Variants in FRMD3 observed in about 807,000 individuals in gnomAD.
The protein encoded by FRMD3 is FERM domain containing 3.
Under a neutral mutation model 70.2 loss-of-function variants are expected in FRMD3, and 33 were observed. The observed-to-expected ratio is 0.47, with a 90% CI of 0.36 to 0.63. The LOEUF (loss-of-function observed/expected upper bound fraction) is 0.63. FRMD3 is among the 20% of genes least tolerant of loss of function. FRMD3 has a pLI of 0.00. For synonymous variants in FRMD3, 279 were observed against 255.9 expected (o/e 1.09, Z -0.86); for missense variants, 632 against 711.4 (o/e 0.89, Z 1.27).
At chr9:83,562,694 G>A in the FRMD3 span, among the ~76,000 whole-genome samples, 5 of 152,170 alleles carry the variant, frequency 3.3e-5, no homozygotes, top group Admixed American at 2.6e-4. Context: ...TGCTGTCACC[G>A]AGCCACAGGC....
At chr9:83,520,017 T>G (rs1348456583) in intron 1 of FRMD3, among the ~76,000 whole-genome samples, 3 of 152,058 alleles carry the variant, frequency 2.0e-5, no homozygotes, top group Non-Finnish European at 4.4e-5. Context: ...AGGGGAAGGA[T>G]AGCATTAGGA....
intron 1 of FRMD3, among the ~76,000 whole-genome samples, chr9:83,522,461 T>C (rs1398507802): frequency 1.3e-5 from 2 of 152,092 alleles, no homozygotes; most frequent in Non-Finnish European, 2.9e-5. Flanking sequence ...GAAAAAGATT[T>C]TTTTTAATGG....
intron 1 of FRMD3, among the ~76,000 whole-genome samples, chr9:83,497,075 T>A (rs140945703): frequency 6.6e-6 from 1 of 151,976 alleles, no homozygotes; most frequent in Non-Finnish European, 1.5e-5. Flanking sequence ...GATTGTACCA[T>A]TGCACTCCAG....
intron 3 of FRMD3, among the ~76,000 whole-genome samples, chr9:83,351,373 C>A (rs970463587): frequency 7.6e-6 from 1 of 130,956 alleles, no homozygotes; most frequent in Non-Finnish European, 1.7e-5. Context: ...TTTCATTCAA[C>A]GCCCTACTTC....
chr9:83,287,422 A>G (rs1180326875), intron 13 of FRMD3, among the ~76,000 whole-genome samples: 1 of 152,132 alleles, frequency 6.6e-6, no homozygotes, highest in African/African-American at 2.4e-5. Flanking sequence ...CCTCTAATCC[A>G]TTCTCTACAC....
chr9:83,454,873 A>G (rs551692749), intron 1 of FRMD3, among the ~76,000 whole-genome samples: 1 of 152,294 alleles, frequency 6.6e-6, no homozygotes, highest in African/African-American at 2.4e-5. Context: ...AACAAGGAAA[A>G]TACAGATCAT....
chr9:83,387,969 G>A (rs1825558398), intron 2 of FRMD3, among the ~76,000 whole-genome samples: 1 of 152,106 alleles, frequency 6.6e-6, no homozygotes, highest in South Asian at 2.1e-4. Flanking sequence ...GTGTTACTCA[G>A]TAAACACCAC....
chr9:83,512,326 T>C (rs1209422786), intron 1 of FRMD3, among the ~76,000 whole-genome samples: 1 of 152,200 alleles, frequency 6.6e-6, no homozygotes, highest in Non-Finnish European at 1.5e-5. Context: ...CCTGCCTTCA[T>C]GGAGCTGCCA....
At chr9:83,313,567 G>T (rs1335896220) in intron 7 of FRMD3, 93 bp downstream of exon 7, 2 of 1,000,046 alleles carry the variant, frequency 2.0e-6, no homozygotes, top group Non-Finnish European at 1.6e-6. Flanking sequence ...CTGTGGGAAA[G>T]ATTTAACAAG....
intron 1 of FRMD3, among the ~76,000 whole-genome samples, chr9:83,527,011 G>T (rs570813600): frequency 6.6e-6 from 1 of 152,166 alleles, no homozygotes; most frequent in East Asian, 1.9e-4. Flanking sequence ...TGGCCCTCCA[G>T]GGTCATTGTC....
chr9:83,372,314 T>C (rs1364664478), intron 3 of FRMD3, among the ~76,000 whole-genome samples: 1 of 147,622 alleles, frequency 6.8e-6, no homozygotes, highest in African/African-American at 2.5e-5. Context: ...GCTAGAGAGA[T>C]GTTGTTATCC....
At chr9:83,581,971 T>C in the FRMD3 span, among the ~76,000 whole-genome samples, 11 of 152,220 alleles carry the variant, frequency 7.2e-5, no homozygotes, top group Non-Finnish European at 1.3e-4. Context: ...CAGCGATGCT[T>C]GCGTAACTCT....
chr9:83,404,720 A>T (rs1405290550), intron 1 of FRMD3, among the ~76,000 whole-genome samples: 1 of 152,290 alleles, frequency 6.6e-6, no homozygotes, highest in Non-Finnish European at 1.5e-5. Context: ...ATATACATGC[A>T]GACAAAAAGT....
intron 13 of FRMD3, among the ~76,000 whole-genome samples, chr9:83,252,021 A>T (rs1832451730): frequency 6.6e-6 from 1 of 152,196 alleles, no homozygotes; most frequent in Non-Finnish European, 1.5e-5. Flanking sequence ...GGAAATGCAG[A>T]GAACCCCAGT....
At chr9:83,279,902 C>T (rs1037176534) in intron 13 of FRMD3, among the ~76,000 whole-genome samples, 3 of 152,170 alleles carry the variant, frequency 2.0e-5, no homozygotes, top group Admixed American at 1.3e-4. Flanking sequence ...ACCACCATGG[C>T]ACACGTCTAC....
intron 1 of FRMD3, among the ~76,000 whole-genome samples, chr9:83,521,925 T>A (rs4424349): frequency 0.41 from 62,289 of 152,018 alleles, 13,187 homozygotes; most frequent in Middle Eastern, 0.47. Context: ...ATTTTCCTTA[T>A]AGCTCATCTC....
intron 7 of FRMD3, among the ~76,000 whole-genome samples, chr9:83,312,183 C>T (rs933571688): frequency 2.0e-5 from 3 of 152,162 alleles, no homozygotes; most frequent in African/African-American, 7.2e-5. Context: ...TAGCTTTTCC[C>T]TTTGAGGAGC....
intron 12 of FRMD3, among the ~76,000 whole-genome samples, chr9:83,294,129 A>T (rs1324817662): frequency 1.3e-5 from 2 of 152,214 alleles, no homozygotes; most frequent in Non-Finnish European, 2.9e-5. Context: ...TCAGGAGGTG[A>T]TTAGGTCATG....
chr9:83,490,141 C>T (rs1264195687), intron 1 of FRMD3, among the ~76,000 whole-genome samples: 1 of 152,162 alleles, frequency 6.6e-6, no homozygotes, highest in Non-Finnish European at 1.5e-5. Flanking sequence ...GCTTGCTCAT[C>T]TCAGAAACAG....
Sources: allele counts gnomAD v4.1 joint callset (sites outside exome capture counted in the v4.1 genomes callset), GRCh38; gene constraint gnomAD v4.1.1; transcripts MANE v1.5; gene names NCBI Gene and HGNC (gene_info 2026-07-23, HGNC 2026-07-21).